Variants in RSRC1 observed in about 807,000 individuals in gnomAD.
The protein encoded by RSRC1 is arginine and serine rich coiled-coil 1, also known as serine/Arginine-related protein 53.
RSRC1 carries 39 observed loss-of-function variants against 49.1 expected under a neutral mutation model. The ratio of observed to expected loss-of-function variants is 0.79; its 90% CI spans 0.61 to 1.04. RSRC1 has a LOEUF of 1.04. RSRC1 is among the 50% of genes least tolerant of loss of function. RSRC1 has a pLI of 0.00. For missense variants in RSRC1, 388 were observed against 402.4 expected (o/e 0.96, Z 0.31); for synonymous variants, 143 against 130.8 (o/e 1.09, Z -0.63).
intron 6 of RSRC1, among the ~76,000 whole-genome samples, chr3:158,380,093 C>G (rs1732620913): frequency 6.6e-6 from 1 of 152,150 alleles, no homozygotes; most frequent in African/African-American, 2.4e-5. Flanking sequence ...TCTCATTTTT[C>G]TCTAGCTACT....
intron 6 of RSRC1, among the ~76,000 whole-genome samples, chr3:158,457,403 G>A (rs948150990): frequency 2.0e-5 from 3 of 152,158 alleles, no homozygotes; most frequent in Admixed American, 2.0e-4. Flanking sequence ...ACATACTAAG[G>A]GAAGAGCATC....
At chr3:158,172,334 A>G (rs1718926003) in intron 3 of RSRC1, among the ~76,000 whole-genome samples, 1 of 152,154 alleles carries the variant, frequency 6.6e-6, no homozygotes, top group Non-Finnish European at 1.5e-5. Context: ...ATTAAATGAA[A>G]TATTTATCTT....
intron 6 of RSRC1, among the ~76,000 whole-genome samples, chr3:158,358,953 A>ACACACAC (rs1430134198): frequency 1.0e-3 from 150 of 144,312 alleles, no homozygotes; most frequent in Non-Finnish European, 1.9e-3. Flanking sequence ...CACACACACA[A>ACACACAC]CTTATTAATC....
chr3:158,356,538 T>C (rs1174721749), intron 6 of RSRC1, among the ~76,000 whole-genome samples: 2 of 147,628 alleles, frequency 1.4e-5, no homozygotes, highest in African/African-American at 5.4e-5. Flanking sequence ...TCATAGTTTA[T>C]GTTTTTATCT....
rs559547293 is a variant in RSRC1, at chr3:158,417,805, C to T, written c.584-43130C>T. On this transcript the variant is annotated intron_variant, in intron 6 of 9. Coordinates refer to ENST00000611884, the MANE Select transcript of RSRC1 (RefSeq NM_001271838.2). ...TATCCTATATATTATTTGAAGGATTCTATAGCAAAGTAATAAAATGGTGAT... is the reference window on the plus strand; with the variant it reads ...TATCCTATATATTATTTGAAGGATTTTATAGCAAAGTAATAAAATGGTGAT... Among the ~76,000 whole-genome samples the T allele has an allele frequency of 1.4e-4, 21 of 150,088 alleles. No individual in the cohort carries two copies. In the South Asian group the frequency reaches 3.6e-3, roughly 26 times the overall value.
chr3:158,301,935 T>C (rs755700091), intron 5 of RSRC1, among the ~76,000 whole-genome samples: 1 of 151,968 alleles, frequency 6.6e-6, no homozygotes, highest in Non-Finnish European at 1.5e-5. Context: ...CAGCCAATTT[T>C]ATTGACTTCT....
chr3:158,430,073 A>AC (rs35049376), intron 6 of RSRC1, among the ~76,000 whole-genome samples: 20,474 of 74,662 alleles, frequency 0.27, 1,479 homozygotes, highest in Middle Eastern at 0.38. Flanking sequence ...CCACACACAC[A>AC]AAAAAAATAA....
chr3:158,430,470 G>A (rs548428914), intron 6 of RSRC1, among the ~76,000 whole-genome samples: 1 of 151,780 alleles, frequency 6.6e-6, no homozygotes, highest in African/African-American at 2.4e-5. Flanking sequence ...TAAATTATTG[G>A]TTAAGGTGGG....
At chr3:158,225,084 T>C (rs921790122) in intron 4 of RSRC1, among the ~76,000 whole-genome samples, 2 of 151,864 alleles carry the variant, frequency 1.3e-5, no homozygotes, top group African/African-American at 4.8e-5. Flanking sequence ...TTGACAATGA[T>C]ACTGAGTTTC....
intron 3 of RSRC1, among the ~76,000 whole-genome samples, chr3:158,185,713 T>C (rs1719890437): frequency 1.3e-5 from 2 of 152,040 alleles, no homozygotes; most frequent in African/African-American, 4.8e-5. Context: ...AAAAATTTCA[T>C]TTGCTGATTT....
rs146002779 is a variant in RSRC1 at position 158,415,854 on chromosome 3, G to A, written c.584-45081G>A. Among the ~76,000 whole-genome samples, 1,086 of 152,040 alleles carry A rather than the reference G, an allele frequency of 7.1e-3. 8 individuals are homozygous for A. The highest frequency in any genetic ancestry group is 0.044 in the South Asian group (214 of 4,810). On this transcript the variant is annotated intron_variant, in intron 6 of 9. Coordinates refer to ENST00000611884, the MANE Select transcript of RSRC1 (RefSeq NM_001271838.2). ...CATTAATAGCAATATTTCCCTTTAAGATATGTAATTTGAACAGATTTGCAT... is the reference window on the plus strand; with the variant it reads ...CATTAATAGCAATATTTCCCTTTAAAATATGTAATTTGAACAGATTTGCAT...
intron 7 of RSRC1, among the ~76,000 whole-genome samples, chr3:158,470,353 C>CATATATATATAT (rs1168384550): frequency 5.0e-5 from 6 of 120,050 alleles, no homozygotes; most frequent in African/African-American, 2.1e-4. Flanking sequence ...CACACACACA[C>CATATATATATAT]ACACACACAT....
intron 7 of RSRC1, among the ~76,000 whole-genome samples, chr3:158,529,683 A>G (rs1420333701): frequency 1.3e-5 from 2 of 151,902 alleles, no homozygotes; most frequent in African/African-American, 4.8e-5. Flanking sequence ...GACTTTCCCC[A>G]CTGGAAAGGT....
At chr3:158,350,486 T>C (rs1165834685) in intron 5 of RSRC1, among the ~76,000 whole-genome samples, 3 of 152,162 alleles carry the variant, frequency 2.0e-5, no homozygotes, top group Non-Finnish European at 4.4e-5. Flanking sequence ...AACTGTATTT[T>C]CTCTTTGTCC....
chr3:158,270,279 G>C (rs542425365), intron 4 of RSRC1, among the ~76,000 whole-genome samples: 1 of 152,094 alleles, frequency 6.6e-6, no homozygotes, highest in Admixed American at 6.6e-5. Flanking sequence ...GCTGCAGCAG[G>C]GCAGCTTGAA....
chr3:158,334,017 T>C (rs1288770577), intron 5 of RSRC1, among the ~76,000 whole-genome samples: 1 of 152,160 alleles, frequency 6.6e-6, no homozygotes, highest in Non-Finnish European at 1.5e-5. Flanking sequence ...GGAAAGACAT[T>C]TATATAATTG....
chr3:158,458,041 A>G (rs951775545), intron 6 of RSRC1, among the ~76,000 whole-genome samples: 3 of 152,172 alleles, frequency 2.0e-5, no homozygotes, highest in Non-Finnish European at 4.4e-5. Context: ...TTTCCAAAAC[A>G]AGCCAAAGAA....
At chr3:158,402,477 A>G (rs1733941863) in intron 6 of RSRC1, among the ~76,000 whole-genome samples, 1 of 151,840 alleles carries the variant, frequency 6.6e-6, no homozygotes, top group Admixed American at 6.6e-5. Flanking sequence ...TATTATTTAT[A>G]TAACTGTTGG....
At chr3:158,517,691 C>A (rs1315058256) in intron 7 of RSRC1, among the ~76,000 whole-genome samples, 1 of 142,910 alleles carries the variant, frequency 7.0e-6, no homozygotes, top group Non-Finnish European at 1.5e-5. Context: ...CTGCTGGACA[C>A]AAGTGATCCA....
Sources: gnomAD v4.1 joint callset for allele counts (sites outside exome capture counted in the v4.1 genomes callset) on GRCh38, gnomAD v4.1.1 for gene constraint, MANE v1.5 for transcripts, NCBI Gene and HGNC (gene_info 2026-07-23, HGNC 2026-07-21) for gene names.